The following SYCE1 variants were observed in gnomAD, a reference collection of about 807,000 sequenced individuals.
SYCE1 encodes synaptonemal complex central element protein 1.
In SYCE1, 37 loss-of-function variants were observed where a neutral mutation model predicts 55.1. The observed-to-expected ratio is 0.67, with a 90% CI of 0.52 to 0.88. The LOEUF (loss-of-function observed/expected upper bound fraction) is 0.88. Ranked by LOEUF, SYCE1 falls within the 40% of genes least tolerant of loss-of-function variation. The probability of loss-of-function intolerance (pLI) is 0.00; values close to 1 mark genes in which losing one functional copy is unlikely to be tolerated. For missense variants in SYCE1, 399 were observed against 416.4 expected, an observed-to-expected ratio of 0.96 and a Z score of 0.36; for synonymous variants, 163 against 159.4, an observed-to-expected ratio of 1.02 and a Z score of -0.17.
upstream of SYCE1, among the ~76,000 whole-genome samples, chr10:133,567,389 C>T (rs1049043644): frequency 1.3e-5 from 2 of 149,814 alleles, no homozygotes; most frequent in African/African-American, 2.5e-5. Context: ...TAGTGTTTTG[C>T]GTTAGTGGTT....
rs1420433996 is a variant in SYCE1, at chr10:133,565,558, T to C, written c.-29A>G. On this transcript the variant is annotated 5_prime_UTR_variant, in exon 1 of 13. Coordinates refer to ENST00000343131, the MANE Select transcript of SYCE1 (RefSeq NM_001143764.3). The stretch of plus-strand genomic sequence containing the variant: ...CTCTCAGCTCGCCAGCGAGGGTGCC[T>C]CGGGAGGGAGCCTCCAGTGGTGATT... The C allele has an allele frequency of 7.8e-6, 12 of 1,546,282 alleles. No homozygotes were observed. The highest frequency in any genetic ancestry group is 1.0e-5 in the Non-Finnish European group (12 of 1,145,816).
chr10:133,560,012 AT>A, intron 2 of SYCE1, 78 bp downstream of exon 2: 1 of 1,219,830 alleles, frequency 8.2e-7, no homozygotes, highest in Non-Finnish European at 1.2e-6. Flanking sequence ...AAATTCGTAC[AT>A]TGTGGGGCCT....
At chr10:133,559,534 C>T (rs1851772232) in intron 2 of SYCE1, 174 bp from the exon 3 acceptor site, 1 of 643,080 alleles carries the variant, frequency 1.6e-6, no homozygotes. Flanking sequence ...TGGGAACAGA[C>T]ACAATAAGAT....
In SYCE1 at chr10:133,562,065, A is replaced by G. The variant is rs577849892; in HGVS notation, c.74-1912T>C. Among the ~76,000 whole-genome samples, 64 of 152,296 alleles carry G rather than the reference A, an allele frequency of 4.2e-4. 1 individual carries two copies. Among genetic ancestry groups the G allele is most frequent in the African/African-American group, 1.5e-3 (64 of 41,556 alleles). On this transcript the variant is annotated intron_variant, in intron 1 of 12. Coordinates refer to ENST00000343131, the MANE Select transcript of SYCE1 (RefSeq NM_001143764.3). The stretch of plus-strand genomic sequence containing the variant: ...GGATTGTCACCCCAACTGCAGTTCC[A>G]TAGCTAAGGTTCTGTCTTCTTTTTT...
chr10:133,564,646 A>C (rs1338880072), intron 1 of SYCE1, among the ~76,000 whole-genome samples: 2 of 152,182 alleles, frequency 1.3e-5, no homozygotes, highest in Non-Finnish European at 2.9e-5. Context: ...GCATTCACGC[A>C]GGTAGGGCTG....
upstream of SYCE1, among the ~76,000 whole-genome samples, chr10:133,567,246 G>T (rs1186432273): frequency 1.3e-5 from 2 of 151,608 alleles, no homozygotes; most frequent in African/African-American, 4.9e-5. Context: ...TGGAGGCTTG[G>T]GTTCAGGGTC....
upstream of SYCE1, chr10:133,568,220 C>T (rs769027478): frequency 5.7e-5 from 73 of 1,278,256 alleles, 1 homozygote; most frequent in African/African-American, 1.1e-4. Context: ...GTCCTGTTGC[C>T]TCCGGGAACC....
upstream of SYCE1, among the ~76,000 whole-genome samples, chr10:133,567,087 A>G (rs538255253): frequency 2.0e-5 from 3 of 149,906 alleles, no homozygotes; most frequent in Admixed American, 1.3e-4. Context: ...GGCTAGCATT[A>G]GGGTAGGGGT....
chr10:133,558,930 T>A lies in SYCE1; in HGVS notation c.218A>T (p.Asp73Val), dbSNP rs762304289. 6.2e-7 allele frequency: 1 copy of A among 1,611,554 alleles called. No individual in the cohort carries two copies. The highest frequency in any genetic ancestry group is 1.7e-5 in the Admixed American group (1 of 59,146). ...ACAGATGGTCCGGGCCTCTCCTAGG[T>A]CTTTATTGGCTTTCTTTTTTGCTTC... ...VQQAKKKANK[D>V]LGEARTICEA... is the part of the protein sequence containing the mutation. Residue 73 changes from aspartate to valine, a missense_variant, in exon 4 of 13, where the codon GAC becomes GTC. Transcript: ENST00000343131.
intron 1 of SYCE1, among the ~76,000 whole-genome samples, chr10:133,563,689 C>CAAAAAAAAAAAAAAAA: frequency 7.0e-6 from 1 of 142,482 alleles, no homozygotes; most frequent in Non-Finnish European, 1.5e-5. Flanking sequence ...AATCTCGTCT[C>CAAAAAAAAAAAAAAAA]AAAAAAAAAA....
upstream of SYCE1, chr10:133,565,628 G>T: frequency 8.3e-7 from 1 of 1,209,458 alleles, no homozygotes; most frequent in African/African-American, 1.5e-5. Flanking sequence ...GCGCGCCTGC[G>T]CAATGCACTC....
At position 133,555,137 on chromosome 10, in the gene SYCE1, A is replaced by T. The variant is rs563402498; in HGVS notation, c.919-8T>A. 19 of 1,544,274 alleles carry T rather than the reference A, an allele frequency of 1.2e-5. No homozygotes were observed. The African/African-American group carries it at 2.6e-4, about 21-fold the overall frequency. On this transcript the variant is annotated splice_region_variant and splice_polypyrimidine_tract_variant and intron_variant, in intron 12 of 12. Transcript: ENST00000343131. Reference sequence around the variant, plus strand: ...TAGGGGCTTGGGACTGGCCTGCAGGAGGTTAGTGTCCAGGGTGGGAATTTA... The same window carrying T: ...TAGGGGCTTGGGACTGGCCTGCAGGTGGTTAGTGTCCAGGGTGGGAATTTA...
In SYCE1 at chr10:133,557,171, G is replaced by A. The variant is rs776773948; in HGVS notation, c.375-15C>T. On this transcript the variant is annotated splice_polypyrimidine_tract_variant and intron_variant, in intron 6 of 12. Coordinates refer to ENST00000343131, the MANE Select transcript of SYCE1 (RefSeq NM_001143764.3). ...TGGTGTGCTTCCTGGGAGAGGCGAG[G>A]CAGCCCTCAGCCATGTTCTCTTAAG... The A allele has an allele frequency of 6.2e-7, 1 of 1,610,782 alleles. No homozygotes were observed. Among genetic ancestry groups the A allele is most frequent in the South Asian group, 1.1e-5 (1 of 91,000 alleles).
chr10:133,564,526 C>T (rs1851882343), intron 1 of SYCE1: 4 of 688,490 alleles, frequency 5.8e-6, no homozygotes, highest in Admixed American at 1.3e-4. Context: ...CTTTGTCCTT[C>T]GCTGGGGCTT....
At chr10:133,559,262 C>T in intron 3 of SYCE1, 39 bp downstream of exon 3, 1 of 1,609,634 alleles carries the variant, frequency 6.2e-7, no homozygotes, top group Non-Finnish European at 8.5e-7. Context: ...GCAAACCATG[C>T]AGCTGGTCCT....
rs1394971270 is a variant in SYCE1 at position 133,565,501 on chromosome 10, G to A, written c.29C>T (p.Ala10Val). The A allele has an allele frequency of 6.5e-7, 1 of 1,549,930 alleles. No individual in the cohort carries two copies. Among genetic ancestry groups the A allele is most frequent in the Non-Finnish European group, 8.7e-7 (1 of 1,146,792 alleles). The change falls in exon 1 of 13, where the codon GCC becomes GTC. Residue 10 changes from alanine to valine, a missense_variant. Physicochemically the swap from Ala to Val is moderately conservative, Grantham distance 64 (BLOSUM62 0). Transcript: ENST00000343131. ...GTCCACGGCTCCTGCGGTGGGCTCG[G>A]CCTTCGATGTCAGGGACCTCCCCGC... Reference protein sequence around the residue: MAGRSLTSKAEPTAGAVDRA... With the variant: MAGRSLTSKVEPTAGAVDRA...
At chr10:133,557,825 A>G in intron 6 of SYCE1, 39 bp downstream of exon 6, 1 of 1,606,164 alleles carries the variant, frequency 6.2e-7, no homozygotes, top group Non-Finnish European at 8.5e-7. Context: ...ACCAGAATAA[A>G]GAGGTAGTGC....
chr10:133,565,799 A>G (rs1377270779), upstream of SYCE1, among the ~76,000 whole-genome samples: 3 of 152,210 alleles, frequency 2.0e-5, no homozygotes, highest in African/African-American at 7.2e-5. Flanking sequence ...GCCCCCGCGC[A>G]TGTGCGCTGG....
Position 133,555,099 on chromosome 10 carries a change from G to C in SYCE1, c.949C>G (p.Pro317Ala), listed in dbSNP as rs1313001903. 6.4e-7 allele frequency: 1 copy of C among 1,550,944 alleles called. No homozygotes were observed. The highest frequency in any genetic ancestry group is 1.2e-5 in the South Asian group (1 of 83,976). Residue 317 changes from proline to alanine, a missense_variant, in exon 13 of 13, where the codon CCT becomes GCT. Transcript: ENST00000343131. The part of the protein sequence containing the change: ...ASPKPLKGER[P>A]GAAHQAGPDV... The stretch of plus-strand genomic sequence containing the variant: ...GGCCCTGCTTGGTGTGCAGCTCCAG[G>C]TCTTTCTCCTTTTAGGGGCTTGGGA...
Sources: allele counts gnomAD v4.1 joint callset (sites outside exome capture counted in the v4.1 genomes callset), GRCh38; gene constraint gnomAD v4.1.1; transcripts MANE v1.5; gene names NCBI Gene and HGNC (gene_info 2026-07-23, HGNC 2026-07-21).